The following COL11A1 variants were observed in gnomAD, a reference collection of about 807,000 sequenced individuals.
The protein encoded by COL11A1 is collagen type XI alpha 1 chain.
COL11A1 carries 74 observed loss-of-function variants against 265.2 expected under a neutral mutation model. The ratio of observed to expected loss-of-function variants is 0.28; its 90% CI spans 0.23 to 0.34. The LOEUF is 0.34. Among genes scored for constraint, COL11A1 ranks in the 10% least tolerant of loss-of-function variants. The probability of loss-of-function intolerance (pLI) is 1.00; values close to 1 mark genes in which losing one functional copy is unlikely to be tolerated. For missense variants in COL11A1, 2,165 were observed against 2,263.6 expected (o/e 0.96, Z 0.88); for synonymous variants, 816 against 727.6 (o/e 1.12, Z -1.96).
Position 103,064,700 on chromosome 1 carries a change from GA to G in COL11A1, c.651+9917del, listed in dbSNP as rs59331849. On this transcript the variant is annotated intron_variant, in intron 4 of 66. Transcript: ENST00000370096. The stretch of plus-strand genomic sequence containing the variant: ...GCCAGACTCCATCTCAAAAAAAAAA[GA>G]AAAAAAAAAAAAAAGAGAATACATA... 9.3e-3 allele frequency among the ~76,000 whole-genome samples: 1,149 copies of G among 123,378 alleles called. 11 individuals are homozygous for G. Among genetic ancestry groups the G allele is most frequent in the African/African-American group, 0.032 (1,071 of 33,002 alleles). 80.9% of individuals were successfully genotyped at this position (123,378 alleles called of 152,430 possible). A position where few individuals can be genotyped will look rare whatever the true frequency, so the allele number is the denominator to read the frequency against.
intron 42 of COL11A1, among the ~76,000 whole-genome samples, chr1:102,944,674 T>G (rs1456947584): frequency 3.9e-5 from 6 of 152,190 alleles, no homozygotes; most frequent in Non-Finnish European, 8.8e-5. Flanking sequence ...GATCTTTATT[T>G]CAATAACTTA....
intron 43 of COL11A1, among the ~76,000 whole-genome samples, chr1:102,940,032 T>C (rs1310809527): frequency 6.6e-6 from 1 of 152,158 alleles, no homozygotes; most frequent in African/African-American, 2.4e-5. Flanking sequence ...TATTTTATAT[T>C]CATTTCAGAA....
intron 66 of COL11A1, among the ~76,000 whole-genome samples, chr1:102,879,363 A>G (rs1398401167): frequency 6.6e-6 from 1 of 152,204 alleles, no homozygotes; most frequent in African/African-American, 2.4e-5. Context: ...AGGCAAATGA[A>G]ATAAGTGTTT....
intron 24 of COL11A1, among the ~76,000 whole-genome samples, chr1:102,999,528 A>G (rs1003505799): frequency 6.6e-6 from 1 of 151,890 alleles, no homozygotes; most frequent in Non-Finnish European, 1.5e-5. Context: ...GGAAATATTT[A>G]GGAGATATCA....
chr1:103,071,606 T>C (rs1265764254), intron 4 of COL11A1, among the ~76,000 whole-genome samples: 2 of 150,842 alleles, frequency 1.3e-5, no homozygotes, highest in Non-Finnish European at 3.0e-5. Flanking sequence ...ACAAGGTAAT[T>C]TGTAAAATTG....
At chr1:103,065,048 T>C (rs1670993658) in intron 4 of COL11A1, among the ~76,000 whole-genome samples, 1 of 152,054 alleles carries the variant, frequency 6.6e-6, no homozygotes, top group African/African-American at 2.4e-5. Context: ...AGACTTTGGG[T>C]GATAATGATG....
intron 24 of COL11A1, among the ~76,000 whole-genome samples, chr1:103,000,318 C>T (rs1664989130): frequency 6.6e-6 from 1 of 151,842 alleles, no homozygotes; most frequent in South Asian, 2.1e-4. Flanking sequence ...GGACATTTTC[C>T]AATAGTGCTG....
intron 49 of COL11A1, among the ~76,000 whole-genome samples, chr1:102,916,408 A>C (rs1337571314): frequency 6.6e-6 from 1 of 152,104 alleles, no homozygotes; most frequent in East Asian, 1.9e-4. Context: ...CATCTTGTTC[A>C]AGTAATCATT....
intron 4 of COL11A1, among the ~76,000 whole-genome samples, chr1:103,037,142 T>A (rs575466881): frequency 1.6e-3 from 234 of 148,394 alleles, no homozygotes; most frequent in African/African-American, 4.1e-3. Flanking sequence ...ATATATAATT[T>A]TATATATATA....
intron 31 of COL11A1, among the ~76,000 whole-genome samples, chr1:102,980,833 T>G (rs561463488): frequency 1.2e-4 from 18 of 152,246 alleles, no homozygotes; most frequent in African/African-American, 4.1e-4. Context: ...TCCAGGAATC[T>G]GAATTTTTAC....
intron 13 of COL11A1, among the ~76,000 whole-genome samples, chr1:103,013,471 T>C (rs940552200): frequency 5.9e-5 from 9 of 152,094 alleles, no homozygotes; most frequent in African/African-American, 2.2e-4. Context: ...TTTTATAAAA[T>C]AAGTTATAGA....
chr1:102,907,712 T>G (rs1271111727), intron 54 of COL11A1, among the ~76,000 whole-genome samples: 1 of 147,582 alleles, frequency 6.8e-6, no homozygotes, highest in African/African-American at 2.5e-5. Flanking sequence ...ACATATTTAT[T>G]CTGCTTAATG....
chr1:102,924,053 C>CAAA (rs577410207), intron 46 of COL11A1, among the ~76,000 whole-genome samples: 6,656 of 106,648 alleles, frequency 0.062, 635 homozygotes, highest in African/African-American at 0.19. Context: ...ACTAAAAATA[C>CAAA]AAAAAAAAAA....
At position 103,021,780 on chromosome 1, in the gene COL11A1, A is replaced by T. The variant is rs756498829; in HGVS notation, c.1246-11T>A. 6.3e-7 allele frequency: 1 copy of T among 1,584,700 alleles called. No individual in the cohort carries two copies. The highest frequency in any genetic ancestry group is 1.7e-5 in the Admixed American group (1 of 59,956). ...ACCATGGCCATTTATCTGTTGAATGAAATATTCAAAACAGCCTAAATGTCT... is the reference window on the plus strand; with the variant it reads ...ACCATGGCCATTTATCTGTTGAATGTAATATTCAAAACAGCCTAAATGTCT... On this transcript the variant is annotated splice_polypyrimidine_tract_variant and intron_variant, in intron 8 of 66. Transcript: ENST00000370096.
chr1:103,037,727 C>A (rs1668485903), intron 4 of COL11A1, among the ~76,000 whole-genome samples: 1 of 152,180 alleles, frequency 6.6e-6, no homozygotes, highest in Admixed American at 6.5e-5. Context: ...TTCCACAAGG[C>A]TTTCAATTCT....
chr1:102,996,070 G>A (rs373704462), intron 26 of COL11A1, 28 bp from the exon 27 acceptor site: 37 of 1,605,164 alleles, frequency 2.3e-5, no homozygotes, highest in East Asian at 4.5e-5. Context: ...CCACTTATAC[G>A]TGTAATAAAT....
Position 103,108,112 on chromosome 1 carries a change from C to T in COL11A1, c.67G>A (p.Ala23Thr), listed in dbSNP as rs1386580787. Residue 23 changes from alanine to threonine, a missense_variant, in exon 1 of 67, where the codon GCA (alanine) becomes ACA (threonine). By Grantham distance (58) the Ala-to-Thr change is moderately conservative. Transcript: ENST00000370096. ...CTAGCTTGGAAGAGGAAGGTCAATG[C>T]GAGGGTTGTTACGGTGAAATCCCAG... ...WLWDFTVTTL[A>T]LTFLFQAREV... 1.2e-6 allele frequency: 2 copies of T among 1,613,668 alleles called. No homozygotes were observed. Among genetic ancestry groups the T allele is most frequent in the African/African-American group, 1.3e-5 (1 of 74,814 alleles).
chr1:102,889,409 G>T (rs1386523441), intron 59 of COL11A1, 46 bp downstream of exon 59: 2 of 1,163,110 alleles, frequency 1.7e-6, no homozygotes, highest in East Asian at 4.7e-5. Context: ...GTGTGTGTGT[G>T]TATTATTGGA....
Position 102,877,407 on chromosome 1 carries a change from G to A in COL11A1, c.*612C>T, listed in dbSNP as rs1213976421. 5 of 152,618 alleles carry A rather than the reference G, an allele frequency of 3.3e-5. No homozygotes were observed. The highest frequency in any genetic ancestry group is 7.2e-5 in the African/African-American group (3 of 41,546). The allele number at this position is 152,618 out of a possible 1,614,324, so 9.5% of individuals were successfully genotyped here. Reference sequence around the variant, plus strand: ...TTTGCCCTCTGAGAATTTTGTTGGCGACATCAAATAATTGAACTCTTCAAC... The same window carrying A: ...TTTGCCCTCTGAGAATTTTGTTGGCAACATCAAATAATTGAACTCTTCAAC... On this transcript the variant is annotated 3_prime_UTR_variant, in exon 67 of 67. Transcript: ENST00000370096.
Sources: allele counts gnomAD v4.1 joint callset (sites outside exome capture counted in the v4.1 genomes callset), GRCh38; gene constraint gnomAD v4.1.1; transcripts MANE v1.5; gene names NCBI Gene and HGNC (gene_info 2026-07-23, HGNC 2026-07-21).